SLA2: variants seen among roughly 807,000 people sequenced by gnomAD.
The protein encoded by SLA2 is Src like adaptor 2.
In SLA2, 22 loss-of-function variants were observed where a neutral mutation model predicts 27.3. That is an observed-to-expected ratio of 0.81 (90% CI 0.58 to 1.15). The LOEUF is 1.15. SLA2 is among the 50% of genes most tolerant of loss of function. SLA2 has a pLI of 0.00. For synonymous variants in SLA2, 131 were observed against 137.8 expected (o/e 0.95, Z 0.34); for missense variants, 304 against 322.2 (o/e 0.94, Z 0.43).
chr20:36,626,513 G>A (rs532385464), intron 5 of SLA2, among the ~76,000 whole-genome samples: 4 of 151,478 alleles, frequency 2.6e-5, no homozygotes, highest in East Asian at 3.9e-4. Flanking sequence ...GCAGTGAGCC[G>A]AGATAGTGCC....
At chr20:36,620,829 A>G in intron 5 of SLA2, 1 of 186,900 alleles carries the variant, frequency 5.4e-6, no homozygotes, top group Non-Finnish European at 1.1e-5. Context: ...AGGCCTCCCA[A>G]AGTGCTGGGA....
rs770022295 is a variant in SLA2 at position 36,615,384 on chromosome 20, AAG to A, written c.383-12_383-11del. On this transcript the variant is annotated splice_polypyrimidine_tract_variant and intron_variant, in intron 5 of 7. Transcript: ENST00000262866. The stretch of plus-strand genomic sequence containing the variant: ...GACAGAGAGTAAGAGCCTGAGGAGA[AAG>A]GGGTCCAGGGGTGGCACTGAGGCCC... 4.3e-6 allele frequency: 7 copies of A among 1,613,056 alleles called. No homozygotes were observed. Among genetic ancestry groups the A allele is most frequent in the African/African-American group, 1.3e-5 (1 of 74,894 alleles).
intron 5 of SLA2, 66 bp from the exon 6 acceptor site, chr20:36,615,440 G>A: frequency 6.3e-7 from 1 of 1,599,484 alleles, no homozygotes; most frequent in Non-Finnish European, 8.5e-7. Context: ...CCTAGGCTGG[G>A]AAACGAAGAT....
At chr20:36,618,928 A>AT (rs1231796872) in intron 5 of SLA2, among the ~76,000 whole-genome samples, 1 of 150,096 alleles carries the variant, frequency 6.7e-6, no homozygotes, top group Non-Finnish European at 1.5e-5. Flanking sequence ...AAAAAAAAAA[A>AT]AAAAAAGTAT....
intron 1 of SLA2, among the ~76,000 whole-genome samples, chr20:36,645,474 G>C (rs1978287313): frequency 6.6e-6 from 1 of 152,306 alleles, no homozygotes. Flanking sequence ...CTCTACAGCT[G>C]AAATGTCTTG....
chr20:36,622,250 G>A (rs1301333079), intron 5 of SLA2, among the ~76,000 whole-genome samples: 8 of 150,266 alleles, frequency 5.3e-5, no homozygotes, highest in African/African-American at 1.7e-4. Context: ...GGTGGCATGC[G>A]CCTGTTGTCC....
chr20:36,627,475 C>T (rs2039350836), intron 5 of SLA2, among the ~76,000 whole-genome samples: 1 of 152,186 alleles, frequency 6.6e-6, no homozygotes, highest in Non-Finnish European at 1.5e-5. Flanking sequence ...AGGACAAAAG[C>T]CATGACTTAG....
At chr20:36,630,548 G>A (rs185968641) in intron 5 of SLA2, among the ~76,000 whole-genome samples, 2 of 152,296 alleles carry the variant, frequency 1.3e-5, no homozygotes, top group East Asian at 1.9e-4. Flanking sequence ...AGGAGGTGTG[G>A]CTGGGTTTGA....
chr20:36,627,617 C>T (rs2039352673), intron 5 of SLA2, among the ~76,000 whole-genome samples: 1 of 152,204 alleles, frequency 6.6e-6, no homozygotes, highest in East Asian at 1.9e-4. Flanking sequence ...AACAGATATA[C>T]AGCAGGACAG....
chr20:36,633,618 C>T lies in SLA2; in HGVS notation c.203G>A (p.Trp68Ter). The change falls in exon 4 of 8, where the codon TGG becomes TAG. Residue 68 changes from tryptophan to a stop codon, truncating the protein, a stop_gained. Transcript: ENST00000262866. LOFTEE classifies it high-confidence loss of function. ...TGAGACTTCAGACAGCACCGTCCAC[C>T]AGTCTCCATCCCTGGAGAGAGAAAG... ...PLTIVSEDGDWWTVLSEVSGR... is the reference protein window; with the variant it reads ...PLTIVSEDGD 1.2e-6 allele frequency: 2 copies of T among 1,613,778 alleles called. No homozygotes were observed. The highest frequency in any genetic ancestry group is 2.2e-5 in the East Asian group (1 of 44,856).
chr20:36,617,047 A>T (rs1223689595), intron 5 of SLA2, among the ~76,000 whole-genome samples: 5 of 149,010 alleles, frequency 3.4e-5, no homozygotes, highest in African/African-American at 7.4e-5. Flanking sequence ...AAGACTCTAT[A>T]AATAAATAAA....
rs148702260 is a variant in SLA2 at position 36,614,335 on chromosome 20, C to T, written c.635G>A (p.Arg212Lys). ...CAGCTCTTTCCAGTTGAGTGGTGTC[C>T]TCTGCACAGTCACAGGTAGGGGTAT... is the stretch of plus-strand genomic sequence containing the variant. The part of the protein sequence containing the change: ...KDIPLPVTVQ[R>K]TPLNWKELDS... The change falls in exon 7 of 8, where the codon AGG (arginine) becomes AAG (lysine). Residue 212 changes from arginine (R) to lysine (K), a missense_variant. By Grantham distance (26) the Arg-to-Lys change is conservative. Transcript: ENST00000262866. The T allele has an allele frequency of 3.1e-6, 5 of 1,614,174 alleles. No homozygotes were observed. In the African/African-American group the frequency reaches 4.0e-5, roughly 13 times the overall value.
intron 5 of SLA2, among the ~76,000 whole-genome samples, chr20:36,623,141 T>C (rs1387618478): frequency 6.6e-6 from 1 of 151,998 alleles, no homozygotes; most frequent in Non-Finnish European, 1.5e-5. Context: ...TGATGGCGTG[T>C]GCCTGTAATC....
intron 1 of SLA2, among the ~76,000 whole-genome samples, chr20:36,644,075 A>G (rs950353113): frequency 6.6e-6 from 1 of 152,078 alleles, no homozygotes; most frequent in African/African-American, 2.4e-5. Context: ...GGGTCCTGAC[A>G]GCCACTTCCT....
chr20:36,642,742 C>T lies in SLA2; in HGVS notation c.-43-1364G>A, dbSNP rs1233125927. Among the ~76,000 whole-genome samples, 5 of 152,258 alleles carry T rather than the reference C, an allele frequency of 3.3e-5. No individual in the cohort carries two copies. In the East Asian group the frequency reaches 5.8e-4, roughly 18 times the overall value. ...CTGGGATTACAGGCATGCACCACCA[C>T]GCCTGGCCGATTTTGTATTTTTAGT... On this transcript the variant is annotated intron_variant, in intron 1 of 7. Transcript: ENST00000262866.
chr20:36,617,201 T>C (rs1275444926), intron 5 of SLA2, among the ~76,000 whole-genome samples: 2 of 139,084 alleles, frequency 1.4e-5, no homozygotes, highest in Non-Finnish European at 3.1e-5. Flanking sequence ...CTACTAAAAA[T>C]ACAAAAAAAA....
intron 1 of SLA2, 101 bp from the exon 2 acceptor site, chr20:36,641,479 T>G: frequency 1.6e-6 from 1 of 623,274 alleles, no homozygotes; most frequent in South Asian, 1.8e-5. Flanking sequence ...TCACAGAGCA[T>G]GTGAATGACC....
Position 36,613,762 on chromosome 20 carries a change from C to G in SLA2, c.*104G>C. 1 of 474,894 alleles carries G rather than the reference C, an allele frequency of 2.1e-6. No individual in the cohort carries two copies. The highest frequency in any genetic ancestry group is 4.0e-6 in the Non-Finnish European group (1 of 253,132). 29.4% of individuals were successfully genotyped at this position (474,894 alleles called of 1,614,324 possible). On this transcript the variant is annotated 3_prime_UTR_variant, in exon 8 of 8. Transcript: ENST00000262866. The stretch of plus-strand genomic sequence containing the variant: ...ACCCTAGATGCACCTCTGTGTCCCA[C>G]CCTCCCTCCCTGAGTGCACAGCCTT...
intron 5 of SLA2, among the ~76,000 whole-genome samples, chr20:36,626,397 A>T (rs2039337914): frequency 6.6e-6 from 1 of 150,844 alleles, no homozygotes; most frequent in Non-Finnish European, 1.5e-5. Flanking sequence ...TCTAAAAAAA[A>T]AAAAACACAC....
Sources: allele counts gnomAD v4.1 joint callset (sites outside exome capture counted in the v4.1 genomes callset), GRCh38; gene constraint gnomAD v4.1.1; transcripts MANE v1.5; gene names NCBI Gene and HGNC (gene_info 2026-07-23, HGNC 2026-07-21).